The following CEP57 variants were observed in gnomAD, a reference collection of about 807,000 sequenced individuals.
The protein encoded by CEP57 is centrosomal protein 57.
Under a neutral mutation model 68.0 loss-of-function variants are expected in CEP57, and 40 were observed. The ratio of observed to expected loss-of-function variants is 0.59; its 90% CI spans 0.46 to 0.77. CEP57 has a LOEUF of 0.77. CEP57 is among the 30% of genes least tolerant of loss of function. CEP57 has a pLI of 0.00. For synonymous variants in CEP57, 219 were observed against 198.7 expected (o/e 1.10, Z -0.86); for missense variants, 606 against 580.7 (o/e 1.04, Z -0.45).
At chr11:95,790,840 C>G in intron 1 of CEP57, 97 bp downstream of exon 1, 1 of 1,426,362 alleles carries the variant, frequency 7.0e-7, no homozygotes, top group Non-Finnish European at 9.7e-7. Context: ...GCTTCTGACG[C>G]AATTCTGGAG....
chr11:95,820,939 C>T lies in CEP57; in HGVS notation c.700-932C>T, dbSNP rs146005311. ...ATGGAATAGATTTTTTACCCCAAAGCTGCACTCATGTGGGAAGTATTAGTA... is the reference window on the plus strand; with the variant it reads ...ATGGAATAGATTTTTTACCCCAAAGTTGCACTCATGTGGGAAGTATTAGTA... On this transcript the variant is annotated intron_variant, in intron 6 of 10. Transcript: ENST00000325542. 2.4e-3 allele frequency among the ~76,000 whole-genome samples: 365 copies of T among 152,280 alleles called. 2 individuals are homozygous for T. Among genetic ancestry groups the T allele is most frequent in the Non-Finnish European group, 4.8e-3 (325 of 68,014 alleles).
At chr11:95,811,207 T>G (rs1039888532) in intron 2 of CEP57, among the ~76,000 whole-genome samples, 7 of 152,246 alleles carry the variant, frequency 4.6e-5, no homozygotes, top group African/African-American at 1.7e-4. Flanking sequence ...AAGACTGGAT[T>G]AAGAAAATGT....
intron 6 of CEP57, among the ~76,000 whole-genome samples, chr11:95,820,005 C>T (rs1345987803): frequency 6.6e-6 from 1 of 152,156 alleles, no homozygotes; most frequent in Non-Finnish European, 1.5e-5. Flanking sequence ...TTAGGGTTGG[C>T]CACTTCACTG....
intron 2 of CEP57, among the ~76,000 whole-genome samples, chr11:95,803,868 G>A (rs948562007): frequency 8.5e-5 from 13 of 152,078 alleles, no homozygotes; most frequent in Admixed American, 3.3e-4. Context: ...GGGTTTCAGC[G>A]TGTGTCCCTT....
rs777827395 is a variant in CEP57 at position 95,813,608 on chromosome 11, A to C, written c.504+19A>C. 6.2e-7 allele frequency: 1 copy of C among 1,611,800 alleles called. No homozygotes were observed. Among genetic ancestry groups the C allele is most frequent in the East Asian group, 2.2e-5 (1 of 44,804 alleles). On this transcript the variant is annotated intron_variant, in intron 4 of 10. Coordinates refer to ENST00000325542, the MANE Select transcript of CEP57 (RefSeq NM_014679.5). The stretch of plus-strand genomic sequence containing the variant: ...GAAACAAGTAAGTAAAGCACCTCAC[A>C]GATTGATACTCAAGAACAGTTATGG...
intron 6 of CEP57, 66 bp downstream of exon 6, chr11:95,818,970 A>G (rs1862415821): frequency 2.5e-6 from 3 of 1,208,770 alleles, no homozygotes; most frequent in African/African-American, 1.5e-5. Context: ...CAAGTAAACA[A>G]TTACATTTAG....
At chr11:95,806,068 A>G (rs1043409956) in intron 2 of CEP57, among the ~76,000 whole-genome samples, 20 of 152,254 alleles carry the variant, frequency 1.3e-4, no homozygotes, top group African/African-American at 4.6e-4. Context: ...TTGTTAAAGC[A>G]CTGATGACTT....
chr11:95,831,231 G>T lies in CEP57; in HGVS notation c.1478G>T (p.Ser493Ile). Residue 493 changes from serine (S) to isoleucine (I), a missense_variant, in exon 11 of 11, where the codon AGC becomes ATC. By Grantham distance (142) the Ser-to-Ile change is moderately radical. Transcript: ENST00000325542. ...CAAAGCATACAGAATTCATTACAAAGCAGTAGTTTGTGTTGGGATTACTGA... is the reference window on the plus strand; with the variant it reads ...CAAAGCATACAGAATTCATTACAAATCAGTAGTTTGTGTTGGGATTACTGA... ...DMQSIQNSLQ[S>I]SSLCWDY 1.9e-6 allele frequency: 3 copies of T among 1,612,844 alleles called. No individual in the cohort carries two copies. The highest frequency in any genetic ancestry group is 2.7e-5 in the African/African-American group (2 of 74,992).
At chr11:95,823,602 C>T (rs753024854) in intron 8 of CEP57, among the ~76,000 whole-genome samples, 8 of 150,062 alleles carry the variant, frequency 5.3e-5, no homozygotes, top group African/African-American at 1.5e-4. Flanking sequence ...GACTACGTGA[C>T]GCCATTCACA....
chr11:95,805,612 G>T (rs1402109775), intron 2 of CEP57, among the ~76,000 whole-genome samples: 2 of 152,136 alleles, frequency 1.3e-5, no homozygotes, highest in Non-Finnish European at 2.9e-5. Context: ...TCCCTACCTA[G>T]TGTATAGTTT....
chr11:95,831,286 A>G lies in CEP57; in HGVS notation c.*30A>G. Reference sequence around the variant, plus strand: ...TAACCAGGTCAGAAATTTTATTCAGATAATCTGTACCTCATCAATCAGATG... The same window carrying G: ...TAACCAGGTCAGAAATTTTATTCAGGTAATCTGTACCTCATCAATCAGATG... On this transcript the variant is annotated 3_prime_UTR_variant, in exon 11 of 11. Transcript: ENST00000325542. 6.9e-7 allele frequency: 1 copy of G among 1,455,784 alleles called. No individual in the cohort carries two copies. Among genetic ancestry groups the G allele is most frequent in the Non-Finnish European group, 9.6e-7 (1 of 1,038,564 alleles). 90.2% of individuals were successfully genotyped at this position (1,455,784 alleles called of 1,614,324 possible).
chr11:95,814,295 C>T lies in CEP57; in HGVS notation c.504+706C>T, dbSNP rs141218485. Among the ~76,000 whole-genome samples, 900 of 151,958 alleles carry T rather than the reference C, an allele frequency of 5.9e-3. 14 individuals are homozygous for T. The highest frequency in any genetic ancestry group is 0.02 in the African/African-American group (828 of 41,428). On this transcript the variant is annotated intron_variant, in intron 4 of 10. Transcript: ENST00000325542. ...AACTCCTGGCCTCAAGTGATCAGGCCGCCTCGGCCTCCCAAAGTTCTGGGA... is the reference window on the plus strand; with the variant it reads ...AACTCCTGGCCTCAAGTGATCAGGCTGCCTCGGCCTCCCAAAGTTCTGGGA...
intron 10 of CEP57, 70 bp from the exon 11 acceptor site, chr11:95,830,956 T>G (rs1862977055): frequency 1.6e-6 from 2 of 1,230,860 alleles, no homozygotes; most frequent in Non-Finnish European, 2.4e-6. Flanking sequence ...CTCTTGTACT[T>G]TTTGTTGTCA....
In CEP57 at chr11:95,824,048, A is replaced by AAT. The variant is rs560610819; in HGVS notation, c.885+1473_885+1474dup. On this transcript the variant is annotated intron_variant, in intron 8 of 10. Coordinates refer to ENST00000325542, the MANE Select transcript of CEP57 (RefSeq NM_014679.5). The stretch of plus-strand genomic sequence containing the variant: ...TGCGGTTGTCCACCATTTCAAAATA[A>AAT]ATGAATCCAGCTGAAGGCCTATTGT... 2.8e-4 allele frequency among the ~76,000 whole-genome samples: 43 copies of AAT among 151,232 alleles called. No individual in the cohort carries two copies. The East Asian group carries it at 8.4e-3, about 29-fold the overall frequency.
intron 8 of CEP57, among the ~76,000 whole-genome samples, chr11:95,823,532 C>T (rs514170): frequency 0.28 from 42,370 of 151,878 alleles, 7,075 homozygotes; most frequent in Non-Finnish European, 0.38. Context: ...TTATCATTTA[C>T]TACCATAAAA....
chr11:95,813,411 T>C, intron 3 of CEP57, 57 bp from the exon 4 acceptor site: 1 of 1,591,228 alleles, frequency 6.3e-7, no homozygotes. Context: ...GTTAACAGCT[T>C]GTTAAAACTA....
At position 95,813,489 on chromosome 11, in the gene CEP57, C is replaced by G. The variant is rs778329605; in HGVS notation, c.404C>G (p.Ala135Gly). The change falls in exon 4 of 11, where the codon GCT (alanine) becomes GGT (glycine). Residue 135 changes from alanine (A) to glycine (G), a missense_variant. Ala to Gly is a moderately conservative substitution (Grantham distance 60, BLOSUM62 0). Coordinates refer to ENST00000325542, the MANE Select transcript of CEP57 (RefSeq NM_014679.5). ...HNQELTSQLLAAENKCNLLEK... is the reference protein window; with the variant it reads ...HNQELTSQLLGAENKCNLLEK... Reference sequence around the variant, plus strand: ...TTAGAACTGACATCTCAGTTGTTAGCTGCAGAAAATAAATGCAATCTATTA... The same window carrying G: ...TTAGAACTGACATCTCAGTTGTTAGGTGCAGAAAATAAATGCAATCTATTA... 6.2e-7 allele frequency: 1 copy of G among 1,612,322 alleles called. No individual in the cohort carries two copies. The highest frequency in any genetic ancestry group is 8.5e-7 in the Non-Finnish European group (1 of 1,179,774).
intron 6 of CEP57, among the ~76,000 whole-genome samples, chr11:95,820,054 G>T (rs1190854964): frequency 6.6e-6 from 1 of 152,106 alleles, no homozygotes; most frequent in Non-Finnish European, 1.5e-5. Context: ...AAACTTGTGG[G>T]TTGTGCTTTA....
chr11:95,810,844 CTACTT>C (rs538322382), intron 2 of CEP57, among the ~76,000 whole-genome samples: 7 of 152,192 alleles, frequency 4.6e-5, no homozygotes, highest in African/African-American at 9.6e-5. Context: ...TTGGAAAAAA[CTACTT>C]TAAAGTTCAT....
Sources: gnomAD v4.1 joint callset for allele counts (sites outside exome capture counted in the v4.1 genomes callset) on GRCh38, gnomAD v4.1.1 for gene constraint, MANE v1.5 for transcripts, NCBI Gene and HGNC (gene_info 2026-07-23, HGNC 2026-07-21) for gene names.